CLVS1: variants seen among roughly 807,000 people sequenced by gnomAD.
CLVS1 encodes clavesin-1.
A neutral mutation model predicts 33.1 loss-of-function variants in CLVS1; 10 were observed. That is an observed-to-expected ratio of 0.30 (90% CI 0.19 to 0.51). The LOEUF is 0.51. Ranked by LOEUF, CLVS1 falls within the 20% of genes least tolerant of loss-of-function variation. CLVS1 has a pLI of 0.97. For synonymous variants in CLVS1, 163 were observed against 166.1 expected (o/e 0.98, Z 0.14); for missense variants, 343 against 433.4 (o/e 0.79, Z 1.85).
chr8:61,129,705 T>G (rs1261680335), intron 1 of CLVS1, among the ~76,000 whole-genome samples: 1 of 152,112 alleles, frequency 6.6e-6, no homozygotes, highest in Non-Finnish European at 1.5e-5. Context: ...GAGGCCTCTT[T>G]TATGAGGGCA....
At chr8:61,178,759 C>T (rs1035866664) in intron 2 of CLVS1, among the ~76,000 whole-genome samples, 26 of 151,604 alleles carry the variant, frequency 1.7e-4, no homozygotes, top group South Asian at 6.2e-4. Flanking sequence ...GCTTCATAAG[C>T]CAAAGAAATA....
At chr8:60,971,907 T>A in the CLVS1 span, among the ~76,000 whole-genome samples, 1 of 152,124 alleles carries the variant, frequency 6.6e-6, no homozygotes, top group African/African-American at 2.4e-5. Flanking sequence ...CTCTGTCAGT[T>A]TTCTATTTTT....
At chr8:61,226,765 G>T (rs145314592) in intron 2 of CLVS1, among the ~76,000 whole-genome samples, 39 of 152,224 alleles carry the variant, frequency 2.6e-4, no homozygotes, top group East Asian at 1.9e-3. Flanking sequence ...GGGTCAAACT[G>T]GGGGGAAAGA....
intron 2 of CLVS1, among the ~76,000 whole-genome samples, chr8:61,177,500 G>A (rs777799973): frequency 2.0e-5 from 3 of 152,150 alleles, no homozygotes; most frequent in South Asian, 2.1e-4. Flanking sequence ...TTTGTTAAAT[G>A]GGTCCTGCTT....
At chr8:61,370,766 C>T (rs1199471387) in intron 2 of CLVS1, 2 of 152,162 alleles carry the variant, frequency 1.3e-5, no homozygotes, top group South Asian at 2.1e-4. Context: ...TTTGGCTTTC[C>T]ATTCCCACGT....
chr8:60,979,320 C>T, the CLVS1 span, among the ~76,000 whole-genome samples: 3 of 152,224 alleles, frequency 2.0e-5, no homozygotes, highest in Non-Finnish European at 4.4e-5. Context: ...ATTGAAGAGT[C>T]TGTGTAACCA....
At chr8:61,234,801 G>C (rs1404029219) in intron 2 of CLVS1, among the ~76,000 whole-genome samples, 3 of 152,076 alleles carry the variant, frequency 2.0e-5, no homozygotes, top group Non-Finnish European at 2.9e-5. Context: ...GAAAAATGGG[G>C]ATGCTCAGAG....
At chr8:61,046,176 G>C in the CLVS1 span, among the ~76,000 whole-genome samples, 1 of 145,972 alleles carries the variant, frequency 6.9e-6, no homozygotes, top group East Asian at 2.0e-4. Flanking sequence ...TAAGGTGTAA[G>C]GAAGGGATCC....
chr8:61,275,286 G>A (rs1311012187), intron 2 of CLVS1, among the ~76,000 whole-genome samples: 1 of 151,916 alleles, frequency 6.6e-6, no homozygotes, highest in African/African-American at 2.4e-5. Flanking sequence ...CCCCATTTAT[G>A]AATTTATGCT....
intron 3 of CLVS1, among the ~76,000 whole-genome samples, chr8:61,411,154 A>G (rs1815207131): frequency 6.6e-6 from 1 of 152,244 alleles, no homozygotes; most frequent in Non-Finnish European, 1.5e-5. Flanking sequence ...TAGATTCACT[A>G]TAGAAATATA....
intron 1 of CLVS1, among the ~76,000 whole-genome samples, chr8:61,106,696 C>G (rs927024610): frequency 6.6e-6 from 1 of 152,126 alleles, no homozygotes; most frequent in Non-Finnish European, 1.5e-5. Context: ...CACGGAGATG[C>G]CTGGATTTTG....
the CLVS1 span, among the ~76,000 whole-genome samples, chr8:61,001,115 CT>C: frequency 6.6e-6 from 1 of 152,276 alleles, no homozygotes; most frequent in Admixed American, 6.5e-5. Context: ...AATGACTCCC[CT>C]GTGGCGCCTT....
intron 5 of CLVS1, among the ~76,000 whole-genome samples, chr8:61,484,297 T>C (rs182171681): frequency 6.6e-6 from 1 of 152,142 alleles, no homozygotes; most frequent in African/African-American, 2.4e-5. Context: ...TGTACACCAA[T>C]AACAGACAAA....
chr8:61,298,998 A>G (rs1810326699), intron 1 of CLVS1, among the ~76,000 whole-genome samples: 1 of 152,186 alleles, frequency 6.6e-6, no homozygotes, highest in African/African-American at 2.4e-5. Flanking sequence ...AATGCAAATA[A>G]TAAAGCCATT....
chr8:61,375,494 G>A (rs1015317050), intron 2 of CLVS1, among the ~76,000 whole-genome samples: 2 of 152,078 alleles, frequency 1.3e-5, no homozygotes, highest in Non-Finnish European at 2.9e-5. Flanking sequence ...CAGGTGATCT[G>A]CCTGCTTCGG....
chr8:61,416,743 G>A (rs1361819967), intron 3 of CLVS1, among the ~76,000 whole-genome samples: 1 of 152,162 alleles, frequency 6.6e-6, no homozygotes, highest in African/African-American at 2.4e-5. Context: ...GGGGTAACCT[G>A]AGCAACCATG....
intron 2 of CLVS1, among the ~76,000 whole-genome samples, chr8:61,301,442 C>T (rs185493720): frequency 3.3e-4 from 50 of 152,254 alleles, no homozygotes; most frequent in Non-Finnish European, 6.0e-4. Flanking sequence ...CTTCTACTTC[C>T]CTCCCAACCC....
At chr8:61,276,100 C>A (rs1809557041) in intron 2 of CLVS1, among the ~76,000 whole-genome samples, 1 of 152,154 alleles carries the variant, frequency 6.6e-6, no homozygotes, top group Non-Finnish European at 1.5e-5. Context: ...CATTAAGAAA[C>A]CTATGCTTGG....
At chr8:61,426,413 A>G (rs1173887356) in intron 3 of CLVS1, among the ~76,000 whole-genome samples, 1 of 152,212 alleles carries the variant, frequency 6.6e-6, no homozygotes, top group African/African-American at 2.4e-5. Context: ...TCCCAAATAG[A>G]TAGCTTGTGT....
Sources: gnomAD v4.1 joint callset for allele counts (sites outside exome capture counted in the v4.1 genomes callset) on GRCh38, gnomAD v4.1.1 for gene constraint, MANE v1.5 for transcripts, NCBI Gene and HGNC (gene_info 2026-07-23, HGNC 2026-07-21) for gene names.